Variants in NOL4 observed in about 807,000 individuals in gnomAD.
NOL4 encodes nucleolar protein 4, also known as cancer/testis antigen 125.
In NOL4, 17 loss-of-function variants were observed where a neutral mutation model predicts 75.9. The observed-to-expected ratio is 0.22, with a 90% CI of 0.15 to 0.34. The LOEUF is 0.34. NOL4 is among the 10% of genes least tolerant of loss of function. The pLI is 1.00. For synonymous variants in NOL4, 292 were observed against 289.9 expected (o/e 1.01, Z -0.07); for missense variants, 614 against 793.5 (o/e 0.77, Z 2.72).
chr18:33,928,251 G>A (rs1397593129), intron 9 of NOL4, among the ~76,000 whole-genome samples: 3 of 152,050 alleles, frequency 2.0e-5, no homozygotes, highest in South Asian at 2.1e-4. Flanking sequence ...TATCAACATC[G>A]TAGGTTAAAT....
At chr18:34,207,339 T>C (rs1251210796) in intron 1 of NOL4, among the ~76,000 whole-genome samples, 1 of 152,168 alleles carries the variant, frequency 6.6e-6, no homozygotes, top group Middle Eastern at 3.2e-3. Context: ...AAAAAAATAT[T>C]ATATTTGGAT....
chr18:33,853,128 A>G, intron 10 of NOL4, 93 bp from the exon 11 acceptor site: 1 of 1,053,946 alleles, frequency 9.5e-7, no homozygotes, highest in East Asian at 2.6e-5. Context: ...TGAATGAATT[A>G]ATGAATTCTT....
chr18:33,952,311 A>G (rs542086444), intron 8 of NOL4, among the ~76,000 whole-genome samples: 1 of 152,326 alleles, frequency 6.6e-6, no homozygotes, highest in African/African-American at 2.4e-5. Flanking sequence ...GTAAACAATG[A>G]GCAAAGGTAC....
intron 6 of NOL4, among the ~76,000 whole-genome samples, chr18:34,019,044 A>T (rs1198557404): frequency 6.6e-6 from 1 of 152,154 alleles, no homozygotes; most frequent in East Asian, 1.9e-4. Context: ...AGAGATTCAT[A>T]CAAATAGATT....
chr18:34,186,315 G>A (rs1036355053), intron 1 of NOL4, among the ~76,000 whole-genome samples: 7 of 152,040 alleles, frequency 4.6e-5, no homozygotes, highest in African/African-American at 1.7e-4. Flanking sequence ...CAAAACTGAT[G>A]GCCAATTAAA....
In NOL4 at chr18:33,958,269, G is replaced by A. The variant is rs1361613048; in HGVS notation, c.1206C>T (p.Gly402=). 2.5e-6 allele frequency: 4 copies of A among 1,613,428 alleles called. No individual in the cohort carries two copies. Among genetic ancestry groups the A allele is most frequent in the East Asian group, 2.2e-5 (1 of 44,872 alleles). ...DDSEKVNETD[G]VEAERLKAFN... is the part of the protein sequence containing the mutation. Reference sequence around the variant, plus strand: ...AAGCTTTCAGCCGCTCGGCTTCAACGCCGTCTGTCTCATTAACTTTCTCCG... The same window carrying A: ...AAGCTTTCAGCCGCTCGGCTTCAACACCGTCTGTCTCATTAACTTTCTCCG... Residue 402 remains glycine (G), a synonymous_variant, in exon 7 of 11, where the codon GGC becomes GGT. Coordinates refer to ENST00000261592, the MANE Select transcript of NOL4 (RefSeq NM_003787.5).
At position 33,853,166 on chromosome 18, in the gene NOL4, C is replaced by T. The variant is rs528612109; in HGVS notation, c.1724-131G>A. 1.7e-5 allele frequency: 13 copies of T among 744,424 alleles called. No homozygotes were observed. The Admixed American group carries it at 2.5e-4, about 14-fold the overall frequency. The allele number at this position is 744,424 out of a possible 1,614,324, so 46.1% of individuals were successfully genotyped here. A position where few individuals can be genotyped will look rare whatever the true frequency, so the allele number is the denominator to read the frequency against. Reference sequence around the variant, plus strand: ...ACAAGAAGCTAGTGATCTCTTTAATCAAATACATCTACTCTCAGAAAGATT... The same window carrying T: ...ACAAGAAGCTAGTGATCTCTTTAATTAAATACATCTACTCTCAGAAAGATT... On this transcript the variant is annotated intron_variant, in intron 10 of 10. Transcript: ENST00000261592.
chr18:34,220,217 C>T (rs2037202947), intron 1 of NOL4, among the ~76,000 whole-genome samples: 1 of 152,238 alleles, frequency 6.6e-6, no homozygotes, highest in South Asian at 2.1e-4. Flanking sequence ...CTCCCAGGTG[C>T]CATCAGTCTC....
chr18:34,065,449 T>G (rs1428463015), intron 5 of NOL4, among the ~76,000 whole-genome samples: 1 of 151,898 alleles, frequency 6.6e-6, no homozygotes, highest in Admixed American at 6.6e-5. Flanking sequence ...ATTCTACAAT[T>G]TAGAGACTAA....
intron 9 of NOL4, among the ~76,000 whole-genome samples, chr18:33,920,969 C>A (rs2145268515): frequency 6.6e-6 from 1 of 152,282 alleles, no homozygotes; most frequent in South Asian, 2.1e-4. Context: ...CCAGGTGGGA[C>A]AGGAAGACAG....
chr18:34,083,418 TG>T (rs1173439120), intron 5 of NOL4, among the ~76,000 whole-genome samples: 1 of 151,928 alleles, frequency 6.6e-6, no homozygotes, highest in Non-Finnish European at 1.5e-5. Flanking sequence ...GGGAGAAAAA[TG>T]GGGGTGTCTC....
intron 9 of NOL4, among the ~76,000 whole-genome samples, chr18:33,895,152 C>T (rs1490182846): frequency 6.6e-6 from 1 of 151,874 alleles, no homozygotes; most frequent in Non-Finnish European, 1.5e-5. Flanking sequence ...AAATGCATTA[C>T]TGTGAAAAAT....
At chr18:33,995,893 A>G (rs1167155540) in intron 6 of NOL4, among the ~76,000 whole-genome samples, 2 of 151,918 alleles carry the variant, frequency 1.3e-5, no homozygotes, top group African/African-American at 2.4e-5. Context: ...GAATACATGT[A>G]TGTTGCTGTT....
In NOL4 at chr18:33,996,850, G is replaced by A. The variant is rs147124322; in HGVS notation, c.1056+22468C>T. On this transcript the variant is annotated intron_variant, in intron 6 of 10. Coordinates refer to ENST00000261592, the MANE Select transcript of NOL4 (RefSeq NM_003787.5). The stretch of plus-strand genomic sequence containing the variant: ...CTTGATTCCATGTCTTTGCTATTGC[G>A]AATAGCACTGTGATTAACATACAGG... 7.9e-5 allele frequency among the ~76,000 whole-genome samples: 12 copies of A among 151,790 alleles called. No individual in the cohort carries two copies. The East Asian group carries it at 9.7e-4, about 12-fold the overall frequency.
rs542416760 is a variant in NOL4, at chr18:34,138,498, A to G, written c.265-8478T>C. Among the ~76,000 whole-genome samples the G allele has an allele frequency of 6.6e-5, 10 of 152,316 alleles. 1 individual carries two copies. The East Asian group carries it at 1.9e-3, about 29-fold the overall frequency. ...GACTGGCTGTTAATAGCCACAAAGT[A>G]TCTTTTAGGAGGGACAAAATGTTCC... On this transcript the variant is annotated intron_variant, in intron 1 of 10. Transcript: ENST00000261592.
intron 9 of NOL4, among the ~76,000 whole-genome samples, chr18:33,937,079 G>A (rs1295307163): frequency 6.6e-6 from 1 of 151,982 alleles, no homozygotes; most frequent in African/African-American, 2.4e-5. Context: ...TTGTCAAAGT[G>A]AAGAAGAATT....
intron 5 of NOL4, among the ~76,000 whole-genome samples, chr18:34,029,074 C>G (rs2144624063): frequency 6.6e-6 from 1 of 152,180 alleles, no homozygotes; most frequent in African/African-American, 2.4e-5. Flanking sequence ...CACGTAGAAA[C>G]AGAAAAGATA....
At position 34,093,548 on chromosome 18, in the gene NOL4, C is replaced by T. The variant is rs780435884; in HGVS notation, c.689G>A (p.Arg230Gln). The change falls in exon 5 of 11, where the codon CGG (arginine) becomes CAG (glutamine). Residue 230 changes from arginine to glutamine, a missense_variant. Arg to Gln is a conservative substitution (Grantham distance 43). Transcript: ENST00000261592. ...AAGATCAGAGTTCACAGCTGACATC[C>T]GTGTTGAATCACTCATGTCAAATTC... is the stretch of plus-strand genomic sequence containing the variant. ...SDEFDMSDSTRMSAVNSDLSS... is the reference protein window; with the variant it reads ...SDEFDMSDSTQMSAVNSDLSS... The T allele has an allele frequency of 8.1e-6, 13 of 1,604,698 alleles. No individual in the cohort carries two copies. Among genetic ancestry groups the T allele is most frequent in the East Asian group, 2.2e-5 (1 of 44,562 alleles).
chr18:33,902,583 T>C (rs1029408399), intron 9 of NOL4, among the ~76,000 whole-genome samples: 1 of 152,136 alleles, frequency 6.6e-6, no homozygotes, highest in Non-Finnish European at 1.5e-5. Flanking sequence ...ATGCAGTCAC[T>C]AAGAGTCATG....
Sources: allele counts gnomAD v4.1 joint callset (sites outside exome capture counted in the v4.1 genomes callset), GRCh38; gene constraint gnomAD v4.1.1; transcripts MANE v1.5; gene names NCBI Gene and HGNC (gene_info 2026-07-23, HGNC 2026-07-21).